The following CTNNA3 variants were observed in gnomAD, a reference collection of about 807,000 sequenced individuals.
CTNNA3 encodes catenin alpha 3.
A neutral mutation model predicts 95.7 loss-of-function variants in CTNNA3; 76 were observed. That is an observed-to-expected ratio of 0.79 (90% CI 0.66 to 0.96). CTNNA3 has a LOEUF of 0.96. Ranked by LOEUF, CTNNA3 falls within the 40% of genes least tolerant of loss-of-function variation. The probability of loss-of-function intolerance (pLI) is 0.00; values close to 1 mark genes in which losing one functional copy is unlikely to be tolerated. For missense variants in CTNNA3, 1,191 were observed against 1,089.8 expected, an observed-to-expected ratio of 1.09 and a Z score of -1.31; for synonymous variants, 431 against 374.4, an observed-to-expected ratio of 1.15 and a Z score of -1.74.
At chr10:66,447,480 T>C (rs946085490) in intron 11 of CTNNA3, among the ~76,000 whole-genome samples, 2 of 144,794 alleles carry the variant, frequency 1.4e-5, no homozygotes, top group Non-Finnish European at 3.0e-5. Context: ...AACAGAGATA[T>C]AGATCAATGG....
At chr10:67,017,986 G>A (rs1283114714) in intron 7 of CTNNA3, among the ~76,000 whole-genome samples, 1 of 152,056 alleles carries the variant, frequency 6.6e-6, no homozygotes, top group African/African-American at 2.4e-5. Context: ...TGGCAAGGCT[G>A]GTCTCAAACT....
chr10:67,442,226 T>C (rs920823846), intron 5 of CTNNA3, among the ~76,000 whole-genome samples: 89 of 150,936 alleles, frequency 5.9e-4, no homozygotes, highest in Middle Eastern at 6.8e-3. Flanking sequence ...AGACAACAAA[T>C]ACACAAAAAA....
chr10:67,712,006 C>T (rs1327542526), intron 1 of CTNNA3, among the ~76,000 whole-genome samples: 1 of 152,008 alleles, frequency 6.6e-6, no homozygotes, highest in Non-Finnish European at 1.5e-5. Flanking sequence ...ACTGGAAATA[C>T]CATTTGACCC....
intron 7 of CTNNA3, among the ~76,000 whole-genome samples, chr10:67,029,336 C>G (rs1384170826): frequency 1.3e-5 from 2 of 152,062 alleles, no homozygotes; most frequent in Non-Finnish European, 2.9e-5. Context: ...AATTTGTAAG[C>G]AAATAGGGTC....
intron 11 of CTNNA3, among the ~76,000 whole-genome samples, chr10:66,390,798 A>G (rs1240721207): frequency 6.6e-6 from 1 of 152,138 alleles, no homozygotes; most frequent in Non-Finnish European, 1.5e-5. Flanking sequence ...AAATTAAATA[A>G]TATCCCACAG....
chr10:67,704,201 C>T (rs2133605845), intron 1 of CTNNA3, among the ~76,000 whole-genome samples: 1 of 152,224 alleles, frequency 6.6e-6, no homozygotes, highest in Middle Eastern at 3.4e-3. Context: ...GCCATACTGC[C>T]CAAGGTAATT....
intron 16 of CTNNA3, among the ~76,000 whole-genome samples, chr10:65,980,397 AG>A (rs1226285083): frequency 6.6e-6 from 1 of 152,018 alleles, no homozygotes; most frequent in African/African-American, 2.4e-5. Flanking sequence ...GAATTCTATC[AG>A]ATATTCAAAG....
chr10:66,765,509 A>T (rs1044390583), intron 9 of CTNNA3, among the ~76,000 whole-genome samples: 6 of 152,198 alleles, frequency 3.9e-5, no homozygotes, highest in Non-Finnish European at 5.9e-5. Context: ...TGGATCTAGT[A>T]GATAACATTT....
chr10:67,739,983 G>A (rs1378467043), intron 1 of CTNNA3, among the ~76,000 whole-genome samples: 1 of 152,102 alleles, frequency 6.6e-6, no homozygotes. Flanking sequence ...GAACAGAACA[G>A]AGCCCTCAGA....
intron 6 of CTNNA3, among the ~76,000 whole-genome samples, chr10:67,183,718 G>T (rs1273825327): frequency 6.6e-6 from 1 of 151,626 alleles, no homozygotes. Context: ...AAAATAAAAT[G>T]TGAGGGTACT....
chr10:66,911,011 G>A (rs1482754059), intron 7 of CTNNA3, among the ~76,000 whole-genome samples: 1 of 152,172 alleles, frequency 6.6e-6, no homozygotes, highest in Non-Finnish European at 1.5e-5. Flanking sequence ...AAACAAGAAG[G>A]AAGCAATAAT....
intron 12 of CTNNA3, among the ~76,000 whole-genome samples, chr10:66,291,011 T>A (rs1247628959): frequency 6.6e-6 from 1 of 152,154 alleles, no homozygotes; most frequent in Non-Finnish European, 1.5e-5. Context: ...TATGATAACC[T>A]ATATGACAGT....
chr10:67,456,573 A>T (rs1847179362), intron 5 of CTNNA3, among the ~76,000 whole-genome samples: 1 of 152,154 alleles, frequency 6.6e-6, no homozygotes, highest in Admixed American at 6.6e-5. Flanking sequence ...TGCTCAAGAG[A>T]CAGGGTCAAA....
chr10:67,687,342 T>C (rs1840752786), intron 1 of CTNNA3, among the ~76,000 whole-genome samples: 1 of 152,208 alleles, frequency 6.6e-6, no homozygotes, highest in South Asian at 2.1e-4. Flanking sequence ...CTTCCAGTGA[T>C]TGCCTCCGCA....
chr10:66,365,880 A>AAAC (rs2092707806), intron 12 of CTNNA3, among the ~76,000 whole-genome samples: 2 of 152,186 alleles, frequency 1.3e-5, no homozygotes, highest in South Asian at 4.1e-4. Flanking sequence ...CTGCCAACAA[A>AAAC]AACATATGAA....
chr10:66,390,203 C>T (rs1412862590), intron 11 of CTNNA3, among the ~76,000 whole-genome samples: 1 of 152,140 alleles, frequency 6.6e-6, no homozygotes, highest in Non-Finnish European at 1.5e-5. Flanking sequence ...AGTAGCAGCA[C>T]ATTTTGTTTG....
intron 10 of CTNNA3, among the ~76,000 whole-genome samples, chr10:66,521,863 A>G (rs1430232361): frequency 6.6e-6 from 1 of 152,164 alleles, no homozygotes; most frequent in African/African-American, 2.4e-5. Context: ...CAATTCTTCA[A>G]AGAAGCAATT....
intron 7 of CTNNA3, among the ~76,000 whole-genome samples, chr10:67,162,580 T>C (rs1861597770): frequency 6.6e-6 from 1 of 151,834 alleles, no homozygotes; most frequent in African/African-American, 2.4e-5. Flanking sequence ...CTCACATCAG[T>C]AATCTAATCA....
At chr10:66,269,106 G>T (rs185971118) in intron 13 of CTNNA3, among the ~76,000 whole-genome samples, 1 of 152,254 alleles carries the variant, frequency 6.6e-6, no homozygotes, top group East Asian at 1.9e-4. Flanking sequence ...TTACTAAATG[G>T]CTTGCATACA....
Sources: allele counts gnomAD v4.1 joint callset (sites outside exome capture counted in the v4.1 genomes callset), GRCh38; gene constraint gnomAD v4.1.1; transcripts MANE v1.5; gene names NCBI Gene and HGNC (gene_info 2026-07-23, HGNC 2026-07-21).